The following DHRSX variants were observed in gnomAD, a reference collection of about 807,000 sequenced individuals.
DHRSX encodes the protein polyprenol dehydrogenase.
In DHRSX, 31 loss-of-function variants were observed where a neutral mutation model predicts 34.0. That is an observed-to-expected ratio of 0.91 (90% CI 0.69 to 1.23). The LOEUF (loss-of-function observed/expected upper bound fraction) is 1.23, where lower values mean the gene tolerates loss of function less well. DHRSX is among the 50% of genes most tolerant of loss of function. The pLI, the probability that DHRSX is intolerant of heterozygous loss-of-function variation, is 0.00. For synonymous variants in DHRSX, 201 were observed against 183.8 expected, an observed-to-expected ratio of 1.09 and a Z score of -0.76; for missense variants, 414 against 428.1, an observed-to-expected ratio of 0.97 and a Z score of 0.29.
chrX:2,242,816 G>A (rs1371965192), intron 6 of DHRSX, among the ~76,000 whole-genome samples: 4 of 151,994 alleles, frequency 2.6e-5, no homozygotes, highest in African/African-American at 9.6e-5. Context: ...GCCAACCAGC[G>A]GCCGCCGGGG....
chrX:2,485,553 A>AG (rs1406337361), intron 1 of DHRSX, among the ~76,000 whole-genome samples: 1 of 118,446 alleles, frequency 8.4e-6, no homozygotes, highest in Admixed American at 8.9e-5. Context: ...AAAGGGAGGG[A>AG]GGGACAGAGG....
chrX:2,390,324 T>C (rs2043321031), intron 3 of DHRSX, among the ~76,000 whole-genome samples: 1 of 149,770 alleles, frequency 6.7e-6, no homozygotes, highest in African/African-American at 2.5e-5. Flanking sequence ...GTATTTTTAG[T>C]AGGAGGTTTC....
chrX:2,261,974 G>T (rs761228066), intron 5 of DHRSX, among the ~76,000 whole-genome samples: 1 of 152,286 alleles, frequency 6.6e-6, no homozygotes, highest in African/African-American at 2.4e-5. Flanking sequence ...CTTGCTCAGT[G>T]AGTCGTGTCT....
intron 1 of DHRSX, among the ~76,000 whole-genome samples, chrX:2,469,057 A>G: frequency 6.6e-6 from 1 of 151,490 alleles, no homozygotes; most frequent in Middle Eastern, 3.4e-3. Flanking sequence ...TCCGCCATGT[A>G]CACACTGAAG....
At position 2,242,948 on chromosome X, in the gene DHRSX, G is replaced by A. The variant is rs1227625238; in HGVS notation, c.804+75C>T. The A allele has an allele frequency of 4.2e-6, 6 of 1,432,680 alleles. No individual in the cohort carries two copies. In the African/African-American group the frequency reaches 8.5e-5, roughly 20 times the overall value. 88.7% of individuals were successfully genotyped at this position (1,432,680 alleles called of 1,614,324 possible). A position where few individuals can be genotyped will look rare whatever the true frequency, so the allele number is the denominator to read the frequency against. ...ACGAGATCCAAGAACCCTCCCTTGG[G>A]GTCTGGACTGGGGACCCCCTTTCCT... On this transcript the variant is annotated intron_variant, in intron 6 of 6. Coordinates refer to ENST00000334651, the MANE Select transcript of DHRSX (RefSeq NM_145177.3).
chrX:2,257,926 C>T (rs1318711392), intron 5 of DHRSX, among the ~76,000 whole-genome samples: 4 of 152,132 alleles, frequency 2.6e-5, no homozygotes, highest in Admixed American at 2.0e-4. Flanking sequence ...CATGCCCGGC[C>T]GGAGATGGGG....
In DHRSX at chrX:2,371,316, CT is replaced by C. The variant is rs1169249815; in HGVS notation, c.286+37428del. ...CCCTCCTCCATTACCATAGACCCTC[CT>C]CCCGTTACTATAGTCCCTCCTTCCG... On this transcript the variant is annotated intron_variant, in intron 3 of 6. Transcript: ENST00000334651. Among the ~76,000 whole-genome samples the C allele has an allele frequency of 1.3e-5, 2 of 149,992 alleles. 1 individual carries two copies. Among genetic ancestry groups the C allele is most frequent in the Non-Finnish European group, 3.0e-5 (2 of 67,016 alleles).
intron 3 of DHRSX, among the ~76,000 whole-genome samples, chrX:2,402,060 G>A (rs2043492775): frequency 6.6e-6 from 1 of 152,190 alleles, no homozygotes; most frequent in Non-Finnish European, 1.5e-5. Context: ...ACTAAGGAGA[G>A]AGAATTGAGA....
intron 3 of DHRSX, among the ~76,000 whole-genome samples, chrX:2,347,609 G>A (rs1451764210): frequency 3.3e-5 from 5 of 152,268 alleles, no homozygotes; most frequent in Non-Finnish European, 5.9e-5. Flanking sequence ...CAGGAGAATC[G>A]CTGGAACCCA....
At chrX:2,413,791 T>C (rs897085066) in intron 2 of DHRSX, among the ~76,000 whole-genome samples, 8 of 152,034 alleles carry the variant, frequency 5.3e-5, no homozygotes, top group African/African-American at 1.9e-4. Context: ...TAAATCTCAT[T>C]AGGACTAACC....
intron 1 of DHRSX, among the ~76,000 whole-genome samples, chrX:2,437,718 T>A (rs1261173938): frequency 6.7e-6 from 1 of 148,492 alleles, no homozygotes; most frequent in Admixed American, 7.0e-5. Context: ...TGTGTGTGTG[T>A]GTGTGTGTGT....
chrX:2,319,413 T>C (rs1014885090), intron 3 of DHRSX, among the ~76,000 whole-genome samples: 2 of 151,634 alleles, frequency 1.3e-5, no homozygotes, highest in Admixed American at 1.3e-4. Flanking sequence ...TGTGGTGGCG[T>C]GTGCCTGTAA....
chrX:2,441,688 C>T (rs183649875), intron 1 of DHRSX, among the ~76,000 whole-genome samples: 1 of 152,252 alleles, frequency 6.6e-6, no homozygotes, highest in East Asian at 1.9e-4. Flanking sequence ...AAGGCCCACC[C>T]ACATTATGAA....
intron 3 of DHRSX, among the ~76,000 whole-genome samples, chrX:2,353,983 G>A (rs921398838): frequency 1.2e-4 from 19 of 152,100 alleles, no homozygotes; most frequent in African/African-American, 2.9e-4. Context: ...AGAAGGCAGC[G>A]TATCCCTTCA....
intron 3 of DHRSX, among the ~76,000 whole-genome samples, chrX:2,376,315 C>T (rs2043140524): frequency 7.3e-6 from 1 of 137,202 alleles, no homozygotes; most frequent in South Asian, 2.3e-4. Context: ...AACGAAAGCA[C>T]AAAAGGGAAA....
intron 3 of DHRSX, among the ~76,000 whole-genome samples, chrX:2,332,830 C>T (rs148920561): frequency 0.011 from 1,747 of 152,258 alleles, 28 homozygotes; most frequent in African/African-American, 0.039. Flanking sequence ...GGAATGTGAT[C>T]GATCAAAAAC....
intron 3 of DHRSX, chrX:2,392,449 C>A: frequency 3.3e-6 from 1 of 301,750 alleles, no homozygotes; most frequent in Non-Finnish European, 6.8e-6. Context: ...AAAGCCAGCC[C>A]GGGCAACACA....
At chrX:2,242,924 C>T (rs748524571) in intron 6 of DHRSX, 99 bp downstream of exon 6, 51 of 1,193,912 alleles carry the variant, frequency 4.3e-5, no homozygotes, top group African/African-American at 1.1e-4. Flanking sequence ...CTTTCTTGCA[C>T]GAGATCCAAG....
At chrX:2,382,079 G>C (rs1389715086) in intron 3 of DHRSX, among the ~76,000 whole-genome samples, 1 of 152,160 alleles carries the variant, frequency 6.6e-6, no homozygotes, top group Non-Finnish European at 1.5e-5. Context: ...GAGGTCCTGT[G>C]GGCCTGCCTA....
Sources: allele counts gnomAD v4.1 joint callset (sites outside exome capture counted in the v4.1 genomes callset), GRCh38; gene constraint gnomAD v4.1.1; transcripts MANE v1.5; gene names NCBI Gene and HGNC (gene_info 2026-07-23, HGNC 2026-07-21).